ATP11A: variants seen among roughly 807,000 people sequenced by gnomAD.
ATP11A encodes the protein phospholipid-transporting ATPase IH.
A neutral mutation model predicts 154.4 loss-of-function variants in ATP11A; 81 were observed. That is an observed-to-expected ratio of 0.52 (90% confidence interval 0.44 to 0.63). The LOEUF (loss-of-function observed/expected upper bound fraction) is 0.63, where lower values mean the gene tolerates loss of function less well. ATP11A is among the 30% of genes least tolerant of loss of function. The pLI, the probability that ATP11A is intolerant of heterozygous loss-of-function variation, is 0.00. For missense variants in ATP11A, 1,316 were observed against 1,474.3 expected (o/e 0.89, Z 1.76); for synonymous variants, 623 against 585.9 (o/e 1.06, Z -0.91).
In ATP11A at chr13:112,881,692, G is replaced by A. The variant is rs1178773358; in HGVS notation, c.*10-184G>A. On this transcript the variant is annotated intron_variant, in intron 29 of 29. Coordinates refer to ENST00000375645, the MANE Select transcript of ATP11A (RefSeq NM_015205.3). ...TGCCCTCAGGACGAGGGTGTGTCCT[G>A]AGTTGAGTCTAGCAGTTCCTGCAGG... The A allele has an allele frequency of 3.9e-6, 5 of 1,271,476 alleles. No homozygotes were observed. In the African/African-American group the frequency reaches 6.1e-5, roughly 15 times the overall value. The allele number at this position is 1,271,476 out of a possible 1,614,324, so 78.8% of individuals were successfully genotyped here. A position where few individuals can be genotyped will look rare whatever the true frequency, so the allele number is the denominator to read the frequency against.
chr13:112,711,292 C>A (rs1887719030), intron 1 of ATP11A, among the ~76,000 whole-genome samples: 2 of 152,066 alleles, frequency 1.3e-5, no homozygotes. Context: ...GAAAATTGTC[C>A]CAAATTACTT....
chr13:112,868,366 T>G (rs536250616), intron 25 of ATP11A, among the ~76,000 whole-genome samples: 127 of 152,324 alleles, frequency 8.3e-4, no homozygotes, highest in African/African-American at 2.8e-3. Context: ...GGGTCTGGTC[T>G]GAGGACTTTT....
At chr13:112,773,497 C>T (rs1182659512) in intron 1 of ATP11A, among the ~76,000 whole-genome samples, 1 of 152,216 alleles carries the variant, frequency 6.6e-6, no homozygotes. Context: ...GCCAGGAGTC[C>T]TTCCCCACTC....
At chr13:112,724,507 C>T (rs1033355629) in intron 1 of ATP11A, among the ~76,000 whole-genome samples, 5 of 152,076 alleles carry the variant, frequency 3.3e-5, no homozygotes, top group African/African-American at 1.2e-4. Flanking sequence ...CCTCCAGAAC[C>T]GTGTATGTGC....
At chr13:112,722,400 A>G (rs1465876945) in intron 1 of ATP11A, among the ~76,000 whole-genome samples, 1 of 152,134 alleles carries the variant, frequency 6.6e-6, no homozygotes, top group African/African-American at 2.4e-5. Flanking sequence ...TTATCAGTAG[A>G]AAGGAATGTC....
chr13:112,858,381 A>C (rs1369011760), intron 22 of ATP11A, 91 bp downstream of exon 22: 5 of 1,346,922 alleles, frequency 3.7e-6, no homozygotes, highest in Non-Finnish European at 5.0e-6. Context: ...ATGCCACAAG[A>C]GGTCATTGAT....
At chr13:112,782,377 C>T (rs956384256) in intron 1 of ATP11A, among the ~76,000 whole-genome samples, 3 of 152,178 alleles carry the variant, frequency 2.0e-5, no homozygotes, top group Admixed American at 6.5e-5. Context: ...TTTGAAGCTT[C>T]GAAGAAAGTT....
chr13:112,700,681 A>G (rs759104978), intron 1 of ATP11A, among the ~76,000 whole-genome samples: 35 of 152,206 alleles, frequency 2.3e-4, no homozygotes, highest in Non-Finnish European at 4.0e-4. Context: ...AATTATCCAT[A>G]GCGTCCCCTT....
rs765215949 is a variant in ATP11A, at chr13:112,838,197, C to T, written c.1705+1946C>T. On this transcript the variant is annotated intron_variant, in intron 16 of 29. Transcript: ENST00000375645. This position sits in a 1 kb window ranked among gnomAD's most constrained non-coding sequence, Gnocchi z 7.3. ...GCGCGAGACTTCTGTGTGTCAGAACCCTTCCCCCCGGCTCGGATGAGGCGC... is the reference window on the plus strand; with the variant it reads ...GCGCGAGACTTCTGTGTGTCAGAACTCTTCCCCCCGGCTCGGATGAGGCGC... Among the ~76,000 whole-genome samples, 30 of 152,136 alleles carry T rather than the reference C, an allele frequency of 2.0e-4. No individual in the cohort carries two copies. The highest frequency in any genetic ancestry group is 3.9e-4 in the Admixed American group (6 of 15,268).
chr13:112,736,306 T>C (rs2139721159), intron 1 of ATP11A, among the ~76,000 whole-genome samples: 1 of 152,320 alleles, frequency 6.6e-6, no homozygotes, highest in Admixed American at 6.5e-5. Flanking sequence ...AGTTGCATGA[T>C]GATCAATAAG....
In ATP11A at chr13:112,787,538, C is replaced by T. The variant is rs535166731; in HGVS notation, c.162+2281C>T. Among the ~76,000 whole-genome samples the T allele has an allele frequency of 8.7e-3, 504 of 57,796 alleles. 42 individuals carry two copies. The highest frequency in any genetic ancestry group is 0.013 in the Non-Finnish European group (394 of 30,292). The allele number at this position is 57,796 out of a possible 152,430, so 37.9% of individuals were successfully genotyped here. A position where few individuals can be genotyped will look rare whatever the true frequency, so the allele number is the denominator to read the frequency against. On this transcript the variant is annotated intron_variant, in intron 2 of 29. Transcript: ENST00000375645. Reference sequence around the variant, plus strand: ...CTGTGGATACCTACTTAATTCACACCGGGTGTCCTGATGTGTAGACCCCTG... The same window carrying T: ...CTGTGGATACCTACTTAATTCACACTGGGTGTCCTGATGTGTAGACCCCTG...
intron 2 of ATP11A, among the ~76,000 whole-genome samples, chr13:112,795,149 G>A (rs1179055391): frequency 6.6e-6 from 1 of 151,894 alleles, no homozygotes. Context: ...GGAGGCTGAG[G>A]CACGAGAATC....
chr13:112,734,038 T>C (rs143307403), intron 1 of ATP11A, among the ~76,000 whole-genome samples: 1 of 152,332 alleles, frequency 6.6e-6, no homozygotes, highest in East Asian at 1.9e-4. Flanking sequence ...TTTGTGTTAC[T>C]TAGTTATCGA....
At chr13:112,803,919 C>G (rs1326762680) in intron 2 of ATP11A, among the ~76,000 whole-genome samples, 7 of 89,272 alleles carry the variant, frequency 7.8e-5, no homozygotes, top group South Asian at 5.1e-4. Context: ...CCTCCCTCCC[C>G]CCATCCCCTC....
rs765223400 is a variant in ATP11A, at chr13:112,819,903, C to T, written c.678C>T (p.Phe226=). 19 of 1,613,900 alleles carry T rather than the reference C, an allele frequency of 1.2e-5. No homozygotes were observed. The highest frequency in any genetic ancestry group is 5.3e-5 in the African/African-American group (4 of 74,928). Reference sequence around the variant, plus strand: ...AACGTGGCTTTTCTGTCGCCAGGTTCGTGGGTCGCATCAACGTTTACAGTG... The same window carrying T: ...AACGTGGCTTTTCTGTCGCCAGGTTTGTGGGTCGCATCAACGTTTACAGTG... ...CEQPQPDLYK[F]VGRINVYSDL... The change falls in exon 8 of 30, where the codon TTC becomes TTT. Residue 226 remains phenylalanine (F), a synonymous_variant. Transcript: ENST00000375645.
At chr13:112,810,795 G>C in intron 5 of ATP11A, 69 bp downstream of exon 5, 1 of 1,437,682 alleles carries the variant, frequency 7.0e-7, no homozygotes, top group Non-Finnish European at 9.7e-7. Flanking sequence ...TTTTACCCAG[G>C]TGCAGTGGCT....
chr13:112,843,318 C>T (rs74349796), intron 17 of ATP11A, among the ~76,000 whole-genome samples: 1,866 of 151,956 alleles, frequency 0.012, 29 homozygotes, highest in African/African-American at 0.043. Flanking sequence ...GATGCCCTAA[C>T]GTTGGGTGAT....
rs1594684431 is a variant in ATP11A at position 112,785,961 on chromosome 13, C to T, written c.162+704C>T. 6.7e-6 allele frequency among the ~76,000 whole-genome samples: 1 copy of T among 148,516 alleles called. No individual in the cohort carries two copies. The highest frequency in any genetic ancestry group is 2.2e-4 in the South Asian group (1 of 4,598). On this transcript the variant is annotated intron_variant, in intron 2 of 29. Coordinates refer to ENST00000375645, the MANE Select transcript of ATP11A (RefSeq NM_015205.3). This position sits in a 1 kb window ranked among gnomAD's most constrained non-coding sequence, Gnocchi z 4.8. ...GCGTTCAGACTCCATTTATCTTCACCGTCCTTCAAAATGGATGAGCTAAAC... is the reference window on the plus strand; with the variant it reads ...GCGTTCAGACTCCATTTATCTTCACTGTCCTTCAAAATGGATGAGCTAAAC...
chr13:112,860,438 C>T, intron 24 of ATP11A, 24 bp downstream of exon 24: 5 of 1,613,620 alleles, frequency 3.1e-6, no homozygotes, highest in Non-Finnish European at 4.2e-6. Context: ...AACAGCCTCT[C>T]CTGAGAGCAG....
Sources: allele counts gnomAD v4.1 joint callset (sites outside exome capture counted in the v4.1 genomes callset), GRCh38; gene constraint gnomAD v4.1.1; non-coding constraint Gnocchi (gnomAD v3.1); transcripts MANE v1.5; gene names NCBI Gene and HGNC (gene_info 2026-07-23, HGNC 2026-07-21).